ACBD6: variants seen among roughly 807,000 people sequenced by gnomAD.
ACBD6 encodes acyl-CoA binding domain containing 6, also known as acyl-CoA-binding domain-containing protein 6.
ACBD6 carries 28 observed loss-of-function variants against 37.2 expected under a neutral mutation model. The observed-to-expected ratio is 0.75, with a 90% CI of 0.56 to 1.03. The LOEUF (loss-of-function observed/expected upper bound fraction) is 1.03, where lower values mean the gene tolerates loss of function less well. Among genes scored for constraint, ACBD6 ranks in the 50% least tolerant of loss-of-function variants. The probability of loss-of-function intolerance (pLI) is 0.00; values close to 1 mark genes in which losing one functional copy is unlikely to be tolerated. For missense variants in ACBD6, 340 were observed against 337.4 expected (o/e 1.01, Z -0.06); for synonymous variants, 113 against 126.8 (o/e 0.89, Z 0.73).
intron 4 of ACBD6, among the ~76,000 whole-genome samples, chr1:180,421,384 T>C (rs1648356305): frequency 6.6e-6 from 1 of 152,258 alleles, no homozygotes; most frequent in Non-Finnish European, 1.5e-5. Flanking sequence ...CTACATTTTC[T>C]TTATCCAGTC....
chr1:180,355,487 TC>T (rs1191250859), intron 6 of ACBD6, among the ~76,000 whole-genome samples: 1 of 152,236 alleles, frequency 6.6e-6, no homozygotes, highest in Non-Finnish European at 1.5e-5. Flanking sequence ...TCATAATAGC[TC>T]ACTAAAATTA....
intron 3 of ACBD6, among the ~76,000 whole-genome samples, chr1:180,490,315 T>C (rs1193972726): frequency 6.6e-6 from 1 of 152,108 alleles, no homozygotes; most frequent in East Asian, 1.9e-4. Context: ...TTATAAAAGA[T>C]AATAAAATAG....
intron 4 of ACBD6, among the ~76,000 whole-genome samples, chr1:180,425,024 C>T (rs1199863530): frequency 6.6e-6 from 1 of 152,182 alleles, no homozygotes; most frequent in Non-Finnish European, 1.5e-5. Flanking sequence ...GCTTTAATCG[C>T]CTTGTCATTC....
intron 6 of ACBD6, among the ~76,000 whole-genome samples, chr1:180,345,319 T>C (rs1571388117): frequency 6.6e-6 from 1 of 152,168 alleles, no homozygotes; most frequent in African/African-American, 2.4e-5. Context: ...CATCTTTCAC[T>C]TTTACAGTGA....
chr1:180,403,518 C>T (rs189618012), intron 5 of ACBD6, among the ~76,000 whole-genome samples: 6 of 152,094 alleles, frequency 3.9e-5, no homozygotes, highest in East Asian at 1.9e-4. Flanking sequence ...ATGGTAGAAT[C>T]GAGATGGTAG....
In ACBD6 at chr1:180,451,898, G is replaced by A. The variant is rs1004422977; in HGVS notation, c.385-21636C>T. 4.2e-4 allele frequency among the ~76,000 whole-genome samples: 64 copies of A among 151,918 alleles called. 3 individuals carry two copies. The highest frequency in any genetic ancestry group is 4.4e-5 in the Non-Finnish European group (3 of 67,978). On this transcript the variant is annotated intron_variant, in intron 3 of 7. Coordinates refer to ENST00000367595, the MANE Select transcript of ACBD6 (RefSeq NM_032360.4). ...TTTTAATGTCTCAATTTAAAAAGCA[G>A]AGAAAAATGAAAAAATGTGTTCAGT...
chr1:180,275,683 T>C (rs903576982), intron 9 of ACBD6: 1 of 152,230 alleles, frequency 6.6e-6, no homozygotes. Flanking sequence ...AATTTTTTTT[T>C]GGCCTACCTT....
intron 3 of ACBD6, chr1:180,435,227 C>T (rs944419917): frequency 4.5e-4 from 306 of 673,748 alleles, no homozygotes; most frequent in Middle Eastern, 7.9e-4. Flanking sequence ...TGCTGGGTTA[C>T]GAGGGCTGGC....
intron 6 of ACBD6, among the ~76,000 whole-genome samples, chr1:180,384,324 C>A (rs1288731600): frequency 1.3e-5 from 2 of 151,726 alleles, no homozygotes; most frequent in Non-Finnish European, 2.9e-5. Flanking sequence ...AATAATAATC[C>A]TATTAAAAAA....
intron 3 of ACBD6, among the ~76,000 whole-genome samples, chr1:180,485,548 A>C (rs997977376): frequency 1.3e-5 from 2 of 152,236 alleles, no homozygotes; most frequent in African/African-American, 4.8e-5. Context: ...GCCACAAGTC[A>C]AACAATGCCT....
rs1021227905 is a variant in ACBD6 at position 180,435,660 on chromosome 1, T to C, written c.385-5398A>G. 4.0e-5 allele frequency: 38 copies of C among 961,472 alleles called. No individual in the cohort carries two copies. In the African/African-American group the frequency reaches 4.7e-4, roughly 12 times the overall value. 59.6% of individuals were successfully genotyped at this position (961,472 alleles called of 1,614,324 possible). On this transcript the variant is annotated intron_variant, in intron 3 of 7. Coordinates refer to ENST00000367595, the MANE Select transcript of ACBD6 (RefSeq NM_032360.4). ...ACTAATATGAATGACGGGACAGAGTTTGGCAGCTCCATTTACCAGAAGGTG... is the reference window on the plus strand; with the variant it reads ...ACTAATATGAATGACGGGACAGAGTCTGGCAGCTCCATTTACCAGAAGGTG...
intron 2 of ACBD6, among the ~76,000 whole-genome samples, chr1:180,494,933 G>T (rs1021841251): frequency 6.6e-6 from 1 of 152,134 alleles, no homozygotes; most frequent in African/African-American, 2.4e-5. Context: ...TTAGTATCTG[G>T]TTTTGGCTTT....
At chr1:180,274,160 T>G in intron 10 of ACBD6, 2 of 1,614,078 alleles carry the variant, frequency 1.2e-6, no homozygotes, top group Non-Finnish European at 1.7e-6. Context: ...CAGCTGACAA[T>G]AAATCTCCGT....
At chr1:180,341,619 C>T (rs1310863588) in intron 6 of ACBD6, among the ~76,000 whole-genome samples, 1 of 152,048 alleles carries the variant, frequency 6.6e-6, no homozygotes, top group Admixed American at 6.6e-5. Context: ...TTCATGAAAG[C>T]GTTGTCTATA....
At position 180,488,400 on chromosome 1, in the gene ACBD6, C is replaced by G. The variant is rs141705587; in HGVS notation, c.384+3869G>C. ...AAGCATTGTTTTATACCTCAAGGTA[C>G]CACAGAGCTTTGACAAAAATAGCTG... On this transcript the variant is annotated intron_variant, in intron 3 of 7. Transcript: ENST00000367595. 4.6e-5 allele frequency among the ~76,000 whole-genome samples: 7 copies of G among 152,232 alleles called. No individual in the cohort carries two copies. In the East Asian group the frequency reaches 9.6e-4, roughly 21 times the overall value.
chr1:180,283,152 T>C (rs1649365524), intron 8 of ACBD6, among the ~76,000 whole-genome samples: 1 of 152,160 alleles, frequency 6.6e-6, no homozygotes, highest in Non-Finnish European at 1.5e-5. Flanking sequence ...AAGAGCCTTT[T>C]ATTACACAAA....
chr1:180,389,770 T>C (rs1217096870), intron 6 of ACBD6, among the ~76,000 whole-genome samples: 1 of 152,230 alleles, frequency 6.6e-6, no homozygotes. Context: ...GAGCATTTTT[T>C]CATGTGTTTT....
intron 6 of ACBD6, among the ~76,000 whole-genome samples, chr1:180,391,558 A>G (rs900681280): frequency 1.3e-5 from 2 of 152,184 alleles, no homozygotes; most frequent in African/African-American, 4.8e-5. Context: ...AAGATGCTCA[A>G]TATCATTAAC....
intron 1 of ACBD6, among the ~76,000 whole-genome samples, chr1:180,498,525 C>T (rs1443856333): frequency 1.3e-5 from 2 of 152,172 alleles, no homozygotes; most frequent in Non-Finnish European, 2.9e-5. Flanking sequence ...CATCTCATCA[C>T]ACAAAATGTA....
Sources: allele counts gnomAD v4.1 joint callset (sites outside exome capture counted in the v4.1 genomes callset), GRCh38; gene constraint gnomAD v4.1.1; transcripts MANE v1.5; gene names NCBI Gene and HGNC (gene_info 2026-07-23, HGNC 2026-07-21).